Variants in PRKCB observed in about 807,000 individuals in gnomAD.
PRKCB encodes protein kinase C beta type.
Under a neutral mutation model 81.5 loss-of-function variants are expected in PRKCB, and 13 were observed. That is an observed-to-expected ratio of 0.16 (90% confidence interval 0.10 to 0.25). The LOEUF (loss-of-function observed/expected upper bound fraction) is 0.25. Ranked by LOEUF, PRKCB falls within the 10% of genes least tolerant of loss-of-function variation. The probability of loss-of-function intolerance (pLI) is 1.00; values close to 1 mark genes in which losing one functional copy is unlikely to be tolerated. For missense variants in PRKCB, 509 were observed against 875.7 expected, an observed-to-expected ratio of 0.58 and a Z score of 5.29; for synonymous variants, 335 against 321.4, an observed-to-expected ratio of 1.04 and a Z score of -0.45.
At chr16:23,842,495 T>C (rs1031010545) in intron 2 of PRKCB, among the ~76,000 whole-genome samples, 1 of 152,194 alleles carries the variant, frequency 6.6e-6, no homozygotes, top group African/African-American at 2.4e-5. Flanking sequence ...GTATATTTCT[T>C]CCTGGGTATT....
chr16:23,909,779 C>T lies in PRKCB; in HGVS notation c.205+72373C>T, dbSNP rs149664352. ...TCCTTCCACATTGCTGCAAAAGATG[C>T]GATTTCATTCCTTTTATGGCTGAGT... is the stretch of plus-strand genomic sequence containing the variant. On this transcript the variant is annotated intron_variant, in intron 2 of 16. Coordinates refer to ENST00000643927, the MANE Select transcript of PRKCB (RefSeq NM_002738.7). Among the ~76,000 whole-genome samples the T allele has an allele frequency of 2.1e-3, 322 of 152,232 alleles. 2 individuals are homozygous for T. Among genetic ancestry groups the T allele is most frequent in the African/African-American group, 7.3e-3 (305 of 41,542 alleles).
intron 7 of PRKCB, among the ~76,000 whole-genome samples, chr16:24,095,760 C>T (rs1226911937): frequency 2.0e-5 from 3 of 151,840 alleles, no homozygotes; most frequent in Admixed American, 6.6e-5. Flanking sequence ...CGGGGTGGAG[C>T]CATTGGTTAC....
chr16:23,954,490 T>C lies in PRKCB; in HGVS notation c.206-34018T>C, dbSNP rs565552627. Among the ~76,000 whole-genome samples, 266 of 152,286 alleles carry C rather than the reference T, an allele frequency of 1.7e-3. 3 individuals are homozygous for C. Among genetic ancestry groups the C allele is most frequent in the Non-Finnish European group, 7.8e-4 (53 of 68,010 alleles). On this transcript the variant is annotated intron_variant, in intron 2 of 16. Transcript: ENST00000643927. The stretch of plus-strand genomic sequence containing the variant: ...GAGCCATGGCTAGTCATTTCATCCA[T>C]TGGGAATGAGCTTACTGGCTCCATT...
intron 16 of PRKCB, among the ~76,000 whole-genome samples, chr16:24,202,855 C>G (rs148606898): frequency 2.1e-3 from 310 of 150,286 alleles, no homozygotes; most frequent in African/African-American, 7.5e-3. Flanking sequence ...TCTTTTTAAG[C>G]CCCTCTTCTC....
intron 7 of PRKCB, among the ~76,000 whole-genome samples, chr16:24,100,134 C>T (rs962240922): frequency 1.3e-5 from 2 of 152,114 alleles, no homozygotes; most frequent in African/African-American, 4.8e-5. Flanking sequence ...ATGATCTCTA[C>T]TTTAACATTC....
At chr16:23,891,428 G>A (rs962626894) in intron 2 of PRKCB, among the ~76,000 whole-genome samples, 6 of 152,126 alleles carry the variant, frequency 3.9e-5, no homozygotes, top group Non-Finnish European at 5.9e-5. Flanking sequence ...GTATGTATGT[G>A]TGTGTATACA....
At chr16:24,016,073 A>G (rs1965273449) in intron 3 of PRKCB, among the ~76,000 whole-genome samples, 1 of 152,130 alleles carries the variant, frequency 6.6e-6, no homozygotes, top group African/African-American at 2.4e-5. Flanking sequence ...AGAACCTCAC[A>G]AAACAAATAT....
intron 2 of PRKCB, among the ~76,000 whole-genome samples, chr16:23,981,711 CT>C (rs1238948637): frequency 1.4e-4 from 13 of 92,120 alleles, no homozygotes; most frequent in African/African-American, 4.8e-4. Flanking sequence ...TTCCCCTTCC[CT>C]TTCCCTTCCC....
At chr16:24,094,809 GAGGAAGGAAGGAAGGA>G (rs71154277) in intron 7 of PRKCB, among the ~76,000 whole-genome samples, 12 of 116,752 alleles carry the variant, frequency 1.0e-4, no homozygotes, top group South Asian at 5.8e-4. Flanking sequence ...GGAAGGGAGG[GAGGAAGGAAGGAAGGA>G]AGGAAGGAAG....
At chr16:24,170,222 C>A (rs1967420403) in intron 10 of PRKCB, among the ~76,000 whole-genome samples, 1 of 151,994 alleles carries the variant, frequency 6.6e-6, no homozygotes, top group South Asian at 2.1e-4. Context: ...CCATCTATAA[C>A]CTGGTACCTA....
At chr16:24,195,456 AAT>A (rs1967864739) in intron 16 of PRKCB, among the ~76,000 whole-genome samples, 1 of 152,158 alleles carries the variant, frequency 6.6e-6, no homozygotes. Context: ...CATGCTATTA[AAT>A]AGAGTGTGGT....
At chr16:23,915,147 A>G (rs766927849) in intron 2 of PRKCB, among the ~76,000 whole-genome samples, 4 of 152,148 alleles carry the variant, frequency 2.6e-5, no homozygotes, top group Non-Finnish European at 4.4e-5. Flanking sequence ...GGGACTCCTT[A>G]GACTAATGCA....
chr16:23,865,555 G>A (rs1597215875), intron 2 of PRKCB, among the ~76,000 whole-genome samples: 3 of 59,420 alleles, frequency 5.0e-5, no homozygotes, highest in Admixed American at 4.2e-4. Flanking sequence ...GTGTGTGTGT[G>A]TGTGTGTGTG....
intron 7 of PRKCB, among the ~76,000 whole-genome samples, chr16:24,100,502 T>A (rs1305522889): frequency 1.3e-5 from 2 of 152,156 alleles, no homozygotes; most frequent in Non-Finnish European, 2.9e-5. Flanking sequence ...GGAACCTGCC[T>A]GAGTCCTCCC....
intron 16 of PRKCB, among the ~76,000 whole-genome samples, chr16:24,205,084 C>A (rs1370210299): frequency 6.7e-6 from 1 of 150,302 alleles, no homozygotes; most frequent in Non-Finnish European, 1.5e-5. Flanking sequence ...CGTGCCACTG[C>A]ACACCAGCCT....
chr16:23,841,544 G>A lies in PRKCB; in HGVS notation c.205+4138G>A, dbSNP rs190070457. 4.2e-4 allele frequency among the ~76,000 whole-genome samples: 64 copies of A among 151,888 alleles called. No individual in the cohort carries two copies. The East Asian group carries it at 7.7e-3, about 18-fold the overall frequency. On this transcript the variant is annotated intron_variant, in intron 2 of 16. Coordinates refer to ENST00000643927, the MANE Select transcript of PRKCB (RefSeq NM_002738.7). ...ACTGTGTGGCCCAGGCTGGAGGGCA[G>A]TGACATGATCATAGCTCACTGCAGC...
chr16:23,964,519 A>G (rs1964463220), intron 2 of PRKCB, among the ~76,000 whole-genome samples: 1 of 152,210 alleles, frequency 6.6e-6, no homozygotes, highest in Non-Finnish European at 1.5e-5. Flanking sequence ...GGTAAGGTTA[A>G]ATACATGTTT....
At chr16:24,163,820 C>A (rs1023118018) in intron 10 of PRKCB, among the ~76,000 whole-genome samples, 1 of 152,222 alleles carries the variant, frequency 6.6e-6, no homozygotes, top group Non-Finnish European at 1.5e-5. Flanking sequence ...TCATTACCCC[C>A]TTTTGGGAAG....
chr16:23,902,188 A>G (rs1183919148), intron 2 of PRKCB, among the ~76,000 whole-genome samples: 6 of 152,182 alleles, frequency 3.9e-5, no homozygotes, highest in East Asian at 1.9e-4. Context: ...ACAATGCCAT[A>G]TATTTTCTGA....
Sources: allele counts gnomAD v4.1 joint callset (sites outside exome capture counted in the v4.1 genomes callset), GRCh38; gene constraint gnomAD v4.1.1; transcripts MANE v1.5; gene names NCBI Gene and HGNC (gene_info 2026-07-23, HGNC 2026-07-21).